Variants in MAF observed in about 807,000 individuals in gnomAD.
The protein encoded by MAF is MAF bZIP transcription factor.
A neutral mutation model predicts 22.0 loss-of-function variants in MAF; 10 were observed. That is an observed-to-expected ratio of 0.45 (90% CI 0.28 to 0.77). The LOEUF (loss-of-function observed/expected upper bound fraction) is 0.77. Ranked by LOEUF, MAF falls within the 30% of genes least tolerant of loss-of-function variation. The probability of loss-of-function intolerance (pLI) is 0.12; values close to 1 mark genes in which losing one functional copy is unlikely to be tolerated. For missense variants in MAF, 544 were observed against 548.4 expected, an observed-to-expected ratio of 0.99 and a Z score of 0.08; for synonymous variants, 337 against 255.8, an observed-to-expected ratio of 1.32 and a Z score of -3.03.
At chr16:79,515,909 C>G in the MAF span, 2 of 151,984 alleles carry the variant, frequency 1.3e-5, no homozygotes, top group Non-Finnish European at 2.9e-5. Context: ...GGCATAGCCC[C>G]TCTTGCTAAC....
At chr16:79,494,657 C>A in the MAF span, among the ~76,000 whole-genome samples, 1 of 152,180 alleles carries the variant, frequency 6.6e-6, no homozygotes, top group Non-Finnish European at 1.5e-5. Context: ...ACTTCTGACA[C>A]CAAATGTGTA....
the MAF span, among the ~76,000 whole-genome samples, chr16:79,540,195 A>T: frequency 6.6e-6 from 1 of 151,944 alleles, no homozygotes; most frequent in African/African-American, 2.4e-5. Context: ...TGGGATTATC[A>T]GACAGGTTAC....
chr16:79,381,746 G>C, the MAF span, among the ~76,000 whole-genome samples: 1 of 152,150 alleles, frequency 6.6e-6, no homozygotes, highest in African/African-American at 2.4e-5. Flanking sequence ...CAACAGCTTG[G>C]AAGCCTGCAA....
the MAF span, among the ~76,000 whole-genome samples, chr16:79,546,013 CATAA>C: frequency 6.6e-6 from 1 of 151,492 alleles, no homozygotes; most frequent in Non-Finnish European, 1.5e-5. Context: ...CATTATACAC[CATAA>C]ATATATACAT....
the MAF span, among the ~76,000 whole-genome samples, chr16:79,334,092 T>C: frequency 1.3e-5 from 2 of 152,240 alleles, no homozygotes; most frequent in African/African-American, 2.4e-5. Flanking sequence ...AAACATCGGA[T>C]GCAGCACATG....
the MAF span, among the ~76,000 whole-genome samples, chr16:79,523,487 C>T: frequency 6.6e-6 from 1 of 152,344 alleles, no homozygotes; most frequent in East Asian, 1.9e-4. Flanking sequence ...CATTTGTTCA[C>T]TCATTCTAAA....
the MAF span, among the ~76,000 whole-genome samples, chr16:79,353,286 A>G: frequency 6.6e-6 from 1 of 152,044 alleles, no homozygotes; most frequent in Admixed American, 6.5e-5. Flanking sequence ...CTACAACCAC[A>G]CCTAGCTAAT....
the MAF span, among the ~76,000 whole-genome samples, chr16:79,522,365 T>C: frequency 6.6e-6 from 1 of 152,142 alleles, no homozygotes; most frequent in African/African-American, 2.4e-5. Context: ...AGCCTGCAAA[T>C]GGTGGCCTGT....
the MAF span, among the ~76,000 whole-genome samples, chr16:79,482,938 C>A: frequency 1.1e-4 from 11 of 98,402 alleles, no homozygotes; most frequent in Non-Finnish European, 2.1e-4. Flanking sequence ...CTCCTCTCCC[C>A]TCCTTCCCTA....
At chr16:79,278,477 GC>G in the MAF span, among the ~76,000 whole-genome samples, 8 of 152,188 alleles carry the variant, frequency 5.3e-5, no homozygotes, top group Admixed American at 6.5e-5. Context: ...CCTCCGGCTT[GC>G]TTTTCCATCA....
At chr16:79,520,299 G>A in the MAF span, among the ~76,000 whole-genome samples, 13 of 152,158 alleles carry the variant, frequency 8.5e-5, no homozygotes, top group East Asian at 1.2e-3. Context: ...AGTTCTCACC[G>A]TTGCCTAAGA....
At chr16:79,507,111 C>T in the MAF span, among the ~76,000 whole-genome samples, 119 of 119,258 alleles carry the variant, frequency 1.0e-3, no homozygotes, top group African/African-American at 3.8e-3. Flanking sequence ...AACTTTTCTG[C>T]GTCTTTTTTT....
At chr16:79,453,709 A>G in the MAF span, among the ~76,000 whole-genome samples, 3 of 152,190 alleles carry the variant, frequency 2.0e-5, no homozygotes, top group African/African-American at 4.8e-5. Flanking sequence ...TTAAGTAGCT[A>G]TCTTGAGGGT....
chr16:79,372,961 A>G, the MAF span, among the ~76,000 whole-genome samples: 1 of 152,102 alleles, frequency 6.6e-6, no homozygotes, highest in Non-Finnish European at 1.5e-5. Context: ...ACTCATCAAG[A>G]TCTCTGCTAG....
chr16:79,531,518 G>A, the MAF span, among the ~76,000 whole-genome samples: 1 of 152,042 alleles, frequency 6.6e-6, no homozygotes, highest in Non-Finnish European at 1.5e-5. Flanking sequence ...CAGTGGGAGA[G>A]CTAAGCTTGT....
the MAF span, among the ~76,000 whole-genome samples, chr16:79,237,276 A>G: frequency 6.6e-6 from 1 of 152,144 alleles, no homozygotes; most frequent in Admixed American, 6.6e-5. Flanking sequence ...CAACTGAAGT[A>G]TAAATCCCGG....
downstream of MAF, among the ~76,000 whole-genome samples, chr16:79,584,320 C>T (rs1004448415): frequency 2.0e-5 from 3 of 152,146 alleles, no homozygotes; most frequent in Admixed American, 6.5e-5. Context: ...GTAACTCCCC[C>T]AAGAGTACCA....
At chr16:79,363,847 G>C in the MAF span, among the ~76,000 whole-genome samples, 1 of 152,170 alleles carries the variant, frequency 6.6e-6, no homozygotes, top group Non-Finnish European at 1.5e-5. Flanking sequence ...CAAATATCTG[G>C]AGGGTGAATG....
chr16:79,355,984 T>G, the MAF span, among the ~76,000 whole-genome samples: 52 of 152,222 alleles, frequency 3.4e-4, no homozygotes, highest in Non-Finnish European at 3.4e-4. Flanking sequence ...TCTCCATGCC[T>G]CTCTCCTTTC....
Sources: gnomAD v4.1 joint callset for allele counts (sites outside exome capture counted in the v4.1 genomes callset) on GRCh38, gnomAD v4.1.1 for gene constraint, MANE v1.5 for transcripts, NCBI Gene and HGNC (gene_info 2026-07-23, HGNC 2026-07-21) for gene names.